TMEM179: variants seen among roughly 807,000 people sequenced by gnomAD.
TMEM179 encodes transmembrane protein 179.
In TMEM179, 17 loss-of-function variants were observed where a neutral mutation model predicts 22.2. The observed-to-expected ratio is 0.77, with a 90% CI of 0.52 to 1.15. The LOEUF is 1.15. Among genes scored for constraint, TMEM179 ranks in the 50% most tolerant of loss-of-function variants. The pLI, the probability that TMEM179 is intolerant of heterozygous loss-of-function variation, is 0.00. For missense variants in TMEM179, 265 were observed against 313.6 expected, an observed-to-expected ratio of 0.84 and a Z score of 1.17; for synonymous variants, 127 against 140.5, an observed-to-expected ratio of 0.90 and a Z score of 0.68.
intron 3 of TMEM179, chr14:104,594,048 A>G (rs1886931801): frequency 8.1e-7 from 1 of 1,231,244 alleles, no homozygotes. Flanking sequence ...AGGCTCCTCC[A>G]ACCACCGGAA....
At position 104,593,442 on chromosome 14, in the gene TMEM179, G is replaced by C. The variant is rs925039392; in HGVS notation, c.*37C>G. 78 of 1,535,568 alleles carry C rather than the reference G, an allele frequency of 5.1e-5. No individual in the cohort carries two copies. The African/African-American group carries it at 9.6e-4, about 19-fold the overall frequency. On this transcript the variant is annotated 3_prime_UTR_variant, in exon 4 of 4. Transcript: ENST00000556573. The stretch of plus-strand genomic sequence containing the variant: ...CAGGCCCGTGCCCCCGAGCGCAGCA[G>C]GGAGGTCGGGGCCAGCTCCCCCTGC...
At chr14:104,602,162 C>T (rs1490801821) in intron 1 of TMEM179, among the ~76,000 whole-genome samples, 2 of 152,238 alleles carry the variant, frequency 1.3e-5, no homozygotes, top group Non-Finnish European at 2.9e-5. Flanking sequence ...GCTGCTGTTA[C>T]GGCATCCCTG....
intron 1 of TMEM179, among the ~76,000 whole-genome samples, chr14:104,602,726 C>T (rs1252093638): frequency 1.3e-5 from 2 of 152,212 alleles, no homozygotes; most frequent in African/African-American, 4.8e-5. Flanking sequence ...CCTGACCCCA[C>T]CTTGAGCAGG....
In TMEM179 at chr14:104,597,153, G is replaced by A. The variant is rs1344766545; in HGVS notation, c.306-26C>T. The A allele has an allele frequency of 3.2e-6, 5 of 1,563,188 alleles. No homozygotes were observed. In the South Asian group the frequency reaches 4.7e-5, roughly 15 times the overall value. On this transcript the variant is annotated intron_variant, in intron 1 of 3. Coordinates refer to ENST00000556573, the MANE Select transcript of TMEM179 (RefSeq NM_001286389.2). The surrounding 1 kb of genome is among the most constrained non-coding windows in gnomAD (Gnocchi z 4.8). ...CTGCAGCCAGAAACAGGAGGGGCAG[G>A]CTCACTGGACACCACCTCCCAGGCG...
rs12101275 is a variant in TMEM179, at chr14:104,591,249, C to G, written c.*2230G>C. The G allele has an allele frequency of 0.69, 280,484 of 406,084 alleles. 99,170 individuals carry two copies. Among genetic ancestry groups the G allele is most frequent in the Non-Finnish European group, 0.74 (152,270 of 205,888 alleles). The allele number at this position is 406,084 out of a possible 1,614,324, so 25.2% of individuals were successfully genotyped here. ...CTCCTGGGATCCAGCAGTGCAGCCCCCAAGAACAGACCCAACCGGGGCCAA... is the reference window on the plus strand; with the variant it reads ...CTCCTGGGATCCAGCAGTGCAGCCCGCAAGAACAGACCCAACCGGGGCCAA... On this transcript the variant is annotated 3_prime_UTR_variant, in exon 4 of 4. Transcript: ENST00000556573.
At position 104,591,620 on chromosome 14, in the gene TMEM179, CCT is replaced by C. The variant is rs1441477685; in HGVS notation, c.*1857_*1858del. ...CTGGACTTGACACCCCCGATGGGCA[CCT>C]GCCAGCCTCACTCCCGGGACCCAGG... On this transcript the variant is annotated 3_prime_UTR_variant, in exon 4 of 4. Transcript: ENST00000556573. 1 of 346,040 alleles carries C rather than the reference CCT, an allele frequency of 2.9e-6. No individual in the cohort carries two copies. Among genetic ancestry groups the C allele is most frequent in the Non-Finnish European group, 5.7e-6 (1 of 175,030 alleles). 21.4% of individuals were successfully genotyped at this position (346,040 alleles called of 1,614,324 possible). A position where few individuals can be genotyped will look rare whatever the true frequency, so the allele number is the denominator to read the frequency against.
At position 104,595,686 on chromosome 14, in the gene TMEM179, G is replaced by A. The variant is rs889243031; in HGVS notation, c.444-443C>T. The stretch of plus-strand genomic sequence containing the variant: ...TCACAGGGTCTCAGAGGCAGGAGAT[G>A]CAGGGCTGCCTCAGCCAGACAGAGA... On this transcript the variant is annotated intron_variant, in intron 2 of 3. Transcript: ENST00000556573. This position sits in a 1 kb window ranked among gnomAD's most constrained non-coding sequence, Gnocchi z 5.7. Among the ~76,000 whole-genome samples the A allele has an allele frequency of 2.6e-5, 4 of 152,234 alleles. No homozygotes were observed. The highest frequency in any genetic ancestry group is 2.1e-4 in the South Asian group (1 of 4,834).
chr14:104,599,540 G>A (rs1887167746), intron 1 of TMEM179, among the ~76,000 whole-genome samples: 1 of 152,202 alleles, frequency 6.6e-6, no homozygotes, highest in Admixed American at 6.5e-5. Context: ...CTGGGACCCT[G>A]AGGACACAGT....
Position 104,597,074 on chromosome 14 carries a change from A to T in TMEM179, c.359T>A (p.Leu120Gln). The change falls in exon 2 of 4, where the codon CTG (leucine) becomes CAG (glutamine). Residue 120 changes from leucine (L) to glutamine (Q), a missense_variant. Transcript: ENST00000556573. The surrounding 1 kb of genome is among the most constrained non-coding windows in gnomAD (Gnocchi z 4.8). ...NLLVSAFVVF[L>Q]VFIASTIVSV... ...CACGATGGTGCTGGCAATGAAGACC[A>T]GGAAGACCACGAAGGCGCTGACCAG... The T allele has an allele frequency of 6.2e-7, 1 of 1,608,878 alleles. No individual in the cohort carries two copies. Among genetic ancestry groups the T allele is most frequent in the Non-Finnish European group, 8.5e-7 (1 of 1,178,338 alleles).
Position 104,591,042 on chromosome 14 carries a change from T to G in TMEM179, c.*2437A>C, listed in dbSNP as rs1886829106. The G allele has an allele frequency of 4.2e-6, 1 of 236,504 alleles. No homozygotes were observed. Among genetic ancestry groups the G allele is most frequent in the African/African-American group, 2.4e-5 (1 of 42,174 alleles). The allele number at this position is 236,504 out of a possible 1,614,324, so 14.7% of individuals were successfully genotyped here. The stretch of plus-strand genomic sequence containing the variant: ...CTGCCTGGGGAGAGGCCCAATCCCC[T>G]GAGGGACCCTGGAGAGCCCACGACC... On this transcript the variant is annotated 3_prime_UTR_variant, in exon 4 of 4. Coordinates refer to ENST00000556573, the MANE Select transcript of TMEM179 (RefSeq NM_001286389.2).
chr14:104,598,915 G>A (rs1485701366), intron 1 of TMEM179, among the ~76,000 whole-genome samples: 1 of 152,206 alleles, frequency 6.6e-6, no homozygotes, highest in Non-Finnish European at 1.5e-5. Context: ...GGACCAGCAG[G>A]ACTCACACAC....
At chr14:104,594,627 C>A in intron 3 of TMEM179, 1 of 1,226,904 alleles carries the variant, frequency 8.2e-7, no homozygotes, top group Non-Finnish European at 1.0e-6. Context: ...CCATCGCCCT[C>A]CACCAAGTCT....
chr14:104,596,638 C>T (rs558606158), intron 2 of TMEM179, among the ~76,000 whole-genome samples: 16 of 152,298 alleles, frequency 1.1e-4, no homozygotes, highest in Admixed American at 7.2e-4. Context: ...TCCCAGGACC[C>T]GGGGCCATGC....
chr14:104,602,994 G>C (rs906048838), intron 1 of TMEM179, among the ~76,000 whole-genome samples: 14 of 152,212 alleles, frequency 9.2e-5, no homozygotes, highest in African/African-American at 3.4e-4. Context: ...CCAGTGACTG[G>C]TGTCCCTGTA....
intron 1 of TMEM179, among the ~76,000 whole-genome samples, chr14:104,598,106 G>A (rs1887101063): frequency 6.6e-6 from 1 of 152,164 alleles, no homozygotes; most frequent in Non-Finnish European, 1.5e-5. Context: ...CGGCCCTCCT[G>A]CCTGGCCTGC....
intron 1 of TMEM179, among the ~76,000 whole-genome samples, chr14:104,603,945 G>A (rs1162162950): frequency 6.6e-6 from 1 of 152,218 alleles, no homozygotes; most frequent in Admixed American, 6.5e-5. Context: ...CTCGAGGTGG[G>A]CCTGGGTGGC....
chr14:104,594,072 A>C (rs558341605), intron 3 of TMEM179: 3 of 1,233,012 alleles, frequency 2.4e-6, no homozygotes, highest in African/African-American at 1.5e-5. Flanking sequence ...ATTGACCTTT[A>C]GCCGCTGTTT....
chr14:104,595,382 A>T lies in TMEM179; in HGVS notation c.444-139T>A. ...GGTGGGCAGCAGGGAGTCTCTGGGG[A>T]CATCACGGAGGGTTAGCCTCGATGC... On this transcript the variant is annotated intron_variant, in intron 2 of 3. Transcript: ENST00000556573. The surrounding 1 kb of genome is among the most constrained non-coding windows in gnomAD (Gnocchi z 5.7). 2.5e-6 allele frequency: 2 copies of T among 798,442 alleles called. No homozygotes were observed. Among genetic ancestry groups the T allele is most frequent in the Non-Finnish European group, 2.0e-6 (1 of 506,912 alleles). 49.5% of individuals were successfully genotyped at this position (798,442 alleles called of 1,614,324 possible).
chr14:104,594,306 C>G lies in TMEM179; in HGVS notation c.523-648G>C, dbSNP rs61745821. 8.9e-4 allele frequency: 1,095 copies of G among 1,231,318 alleles called. 6 individuals carry two copies. In the Middle Eastern group the frequency reaches 0.013, roughly 15 times the overall value. The allele number at this position is 1,231,318 out of a possible 1,614,324, so 76.3% of individuals were successfully genotyped here. On this transcript the variant is annotated intron_variant, in intron 3 of 3. Coordinates refer to ENST00000556573, the MANE Select transcript of TMEM179 (RefSeq NM_001286389.2). ...TTCAGGCCCACCCATGTCCAGCACC[C>G]TTGGAGGGCTCCTGGCCAGGAGAAG...
Sources: allele counts gnomAD v4.1 joint callset (sites outside exome capture counted in the v4.1 genomes callset), GRCh38; gene constraint gnomAD v4.1.1; non-coding constraint Gnocchi (gnomAD v3.1); transcripts MANE v1.5; gene names NCBI Gene and HGNC (gene_info 2026-07-23, HGNC 2026-07-21).